Variants in ANK1 observed in about 807,000 individuals in gnomAD.
ANK1 encodes ankyrin-1.
ANK1 carries 51 observed loss-of-function variants against 210.4 expected under a neutral mutation model. That is an observed-to-expected ratio of 0.24 (90% confidence interval 0.19 to 0.31). ANK1 has a LOEUF of 0.31. Among genes scored for constraint, ANK1 ranks in the 10% least tolerant of loss-of-function variants. ANK1 has a pLI of 1.00. For synonymous variants in ANK1, 967 were observed against 1,025.9 expected (o/e 0.94, Z 1.10); for missense variants, 2,051 against 2,504.4 (o/e 0.82, Z 3.86).
intron 37 of ANK1, among the ~76,000 whole-genome samples, chr8:41,675,140 G>C (rs1813727871): frequency 6.6e-6 from 1 of 152,214 alleles, no homozygotes; most frequent in Non-Finnish European, 1.5e-5. Context: ...GCCCAGGCTG[G>C]AGTGCAGTAA....
chr8:41,699,081 G>A (rs1821921836), intron 23 of ANK1, among the ~76,000 whole-genome samples: 1 of 152,144 alleles, frequency 6.6e-6, no homozygotes, highest in African/African-American at 2.4e-5. Flanking sequence ...TTACAGGTGT[G>A]AGCCACCGCA....
In ANK1 at chr8:41,816,909, A is replaced by G. The variant is rs529015753; in HGVS notation, c.127-58772T>C. ...ACATGACATACATACATACTTAGAC[A>G]TACATAACCATATAGATAGAAACAG... On this transcript the variant is annotated intron_variant, in intron 1 of 42. Transcript: ENST00000265709. Among the ~76,000 whole-genome samples the G allele has an allele frequency of 4.5e-4, 69 of 152,318 alleles. 1 individual carries two copies. Among genetic ancestry groups the G allele is most frequent in the African/African-American group, 1.6e-3 (65 of 41,566 alleles).
chr8:41,694,921 G>A lies in ANK1; in HGVS notation c.3116-118C>T, dbSNP rs933170879. The stretch of plus-strand genomic sequence containing the variant: ...AGTGCACACACCCTCCCCAGGTGCC[G>A]GGCGGCATAGTGGCCAGAAGAAGTG... On this transcript the variant is annotated intron_variant, in intron 27 of 42. Coordinates refer to ENST00000289734, the MANE Select transcript of ANK1 (RefSeq NM_000037.4). The surrounding 1 kb of genome is among the most constrained non-coding windows in gnomAD (Gnocchi z 5.7). The A allele has an allele frequency of 3.4e-5, 40 of 1,186,488 alleles. No individual in the cohort carries two copies. The highest frequency in any genetic ancestry group is 6.0e-5 in the African/African-American group (4 of 66,492). 73.5% of individuals were successfully genotyped at this position (1,186,488 alleles called of 1,614,324 possible).
chr8:41,772,237 A>C (rs1843101304), intron 1 of ANK1, among the ~76,000 whole-genome samples: 1 of 152,224 alleles, frequency 6.6e-6, no homozygotes, highest in Non-Finnish European at 1.5e-5. Context: ...GCTCTAAATC[A>C]GTAGGTCTCC....
chr8:41,740,821 A>G (rs906755106), intron 2 of ANK1, among the ~76,000 whole-genome samples: 4 of 152,134 alleles, frequency 2.6e-5, no homozygotes, highest in African/African-American at 9.7e-5. Context: ...ACAGGCGCAA[A>G]CCAGGCCCAA....
At chr8:41,781,480 C>A (rs1207529100) in intron 1 of ANK1, among the ~76,000 whole-genome samples, 4 of 152,246 alleles carry the variant, frequency 2.6e-5, no homozygotes, top group African/African-American at 4.8e-5. Flanking sequence ...CAGGGACCAC[C>A]TTCCCAGGCC....
intron 2 of ANK1, among the ~76,000 whole-genome samples, chr8:41,752,805 C>A (rs1489346197): frequency 6.6e-6 from 1 of 151,516 alleles, no homozygotes; most frequent in Non-Finnish European, 1.5e-5. Flanking sequence ...CAGGCCCCCC[C>A]CCACTGCACC....
chr8:41,891,524 G>A (rs1164859373), intron 1 of ANK1, among the ~76,000 whole-genome samples: 1 of 152,196 alleles, frequency 6.6e-6, no homozygotes, highest in African/African-American at 2.4e-5. Flanking sequence ...CACAGAGGTG[G>A]AGCAGCAGCC....
intron 1 of ANK1, among the ~76,000 whole-genome samples, chr8:41,796,485 G>T (rs1180400687): frequency 6.6e-6 from 1 of 150,426 alleles, no homozygotes; most frequent in Non-Finnish European, 1.5e-5. Context: ...AACCTGAATT[G>T]CTTGCCGCTG....
At chr8:41,807,588 T>C (rs183838134) in intron 1 of ANK1, among the ~76,000 whole-genome samples, 185 of 152,098 alleles carry the variant, frequency 1.2e-3, no homozygotes, top group African/African-American at 4.3e-3. Flanking sequence ...GTGTACTAGA[T>C]GGATCACACG....
At chr8:41,690,075 TGGA>T in intron 33 of ANK1, 149 bp downstream of exon 33, 1 of 1,273,278 alleles carries the variant, frequency 7.9e-7, no homozygotes, top group East Asian at 2.4e-5. Flanking sequence ...CATGAGCATG[TGGA>T]GGAGAGCTCA....
At chr8:41,817,780 C>T (rs920121750) in intron 1 of ANK1, among the ~76,000 whole-genome samples, 2 of 152,200 alleles carry the variant, frequency 1.3e-5, no homozygotes, top group African/African-American at 4.8e-5. Context: ...TAACAAGTGA[C>T]TCAAGACCAA....
intron 1 of ANK1, among the ~76,000 whole-genome samples, chr8:41,873,873 G>C (rs1433826565): frequency 6.6e-6 from 1 of 152,164 alleles, no homozygotes; most frequent in Non-Finnish European, 1.5e-5. Context: ...TTGAACCAAG[G>C]CTGGCAAACC....
At chr8:41,701,786 G>A (rs568144910) in intron 21 of ANK1, among the ~76,000 whole-genome samples, 164 bp from the exon 22 acceptor site, 1 of 152,352 alleles carries the variant, frequency 6.6e-6, no homozygotes, top group East Asian at 1.9e-4. Flanking sequence ...CCACGGGGAC[G>A]GGACCCGGGA....
At chr8:41,734,417 C>T (rs1832928671) in intron 2 of ANK1, among the ~76,000 whole-genome samples, 1 of 152,210 alleles carries the variant, frequency 6.6e-6, no homozygotes, top group Non-Finnish European at 1.5e-5. Context: ...GCTTCAACCC[C>T]TGGTTAATTT....
chr8:41,725,351 T>C (rs1830406015), intron 6 of ANK1, among the ~76,000 whole-genome samples: 1 of 152,174 alleles, frequency 6.6e-6, no homozygotes, highest in Non-Finnish European at 1.5e-5. Context: ...CGTGCCCAGG[T>C]GCACGCAGGC....
intron 20 of ANK1, 49 bp downstream of exon 20, chr8:41,703,992 G>A (rs1244065073): frequency 6.5e-7 from 1 of 1,544,508 alleles, no homozygotes; most frequent in East Asian, 2.2e-5. Context: ...ACACAGGGCT[G>A]CTGCCATGGG....
At chr8:41,814,961 C>G (rs1214101874) in intron 1 of ANK1, among the ~76,000 whole-genome samples, 1 of 151,988 alleles carries the variant, frequency 6.6e-6, no homozygotes, top group Non-Finnish European at 1.5e-5. Context: ...GAAGACAGAA[C>G]AATTTGCTTT....
intron 1 of ANK1, among the ~76,000 whole-genome samples, chr8:41,892,003 T>C (rs1819539473): frequency 6.6e-6 from 1 of 152,250 alleles, no homozygotes; most frequent in African/African-American, 2.4e-5. Context: ...AGATGTGTGA[T>C]GAGCACTGTT....
Sources: gnomAD v4.1 joint callset for allele counts (sites outside exome capture counted in the v4.1 genomes callset) on GRCh38, gnomAD v4.1.1 for gene constraint, Gnocchi (gnomAD v3.1) non-coding constraint, MANE v1.5 for transcripts, NCBI Gene and HGNC (gene_info 2026-07-23, HGNC 2026-07-21) for gene names.